Variants in FBXL17 observed in about 807,000 individuals in gnomAD.
The protein encoded by FBXL17 is F-box/LRR-repeat protein 17.
A neutral mutation model predicts 66.2 loss-of-function variants in FBXL17; 22 were observed. The observed-to-expected ratio is 0.33, with a 90% CI of 0.24 to 0.47. The LOEUF (loss-of-function observed/expected upper bound fraction) is 0.47. Among genes scored for constraint, FBXL17 ranks in the 20% least tolerant of loss-of-function variants. The pLI is 1.00. For synonymous variants in FBXL17, 474 were observed against 400.5 expected, an observed-to-expected ratio of 1.18 and a Z score of -2.19; for missense variants, 878 against 948.2, an observed-to-expected ratio of 0.93 and a Z score of 0.97.
intron 6 of FBXL17, among the ~76,000 whole-genome samples, chr5:108,086,285 G>C (rs756673706): frequency 6.6e-6 from 1 of 152,132 alleles, no homozygotes; most frequent in Non-Finnish European, 1.5e-5. Flanking sequence ...GGAAAAAATG[G>C]TACACAAAGA....
intron 7 of FBXL17, among the ~76,000 whole-genome samples, chr5:107,941,318 T>C (rs575241823): frequency 1.3e-5 from 2 of 152,304 alleles, no homozygotes; most frequent in South Asian, 4.1e-4. Context: ...TATCATTGCA[T>C]CTTGGGCAAC....
Position 108,380,680 on chromosome 5 carries a change from G to A in FBXL17, c.993+19C>T. 1 of 1,247,012 alleles carries A rather than the reference G, an allele frequency of 8.0e-7. No individual in the cohort carries two copies. Among genetic ancestry groups the A allele is most frequent in the Non-Finnish European group, 1.0e-6 (1 of 987,082 alleles). 77.2% of individuals were successfully genotyped at this position (1,247,012 alleles called of 1,614,324 possible). A position where few individuals can be genotyped will look rare whatever the true frequency, so the allele number is the denominator to read the frequency against. On this transcript the variant is annotated intron_variant, in intron 1 of 8. Transcript: ENST00000542267. ...GGTGGGGGAAAGCGAGCATCCCTGC[G>A]CCTCTCGCCCAGACCCACCTTGAGC...
rs1468663746 is a variant in FBXL17, at chr5:108,367,953, T to C, written c.994A>G (p.Ile332Val). ...TCATCCAGTGACAAATTGGAAAATA[T>C]CTGTGAATAAAAAACGGTACCATAT... ...NQLPPSILLK[I>V]FSNLSLDERC... The change falls in exon 2 of 9, where the codon ATA (isoleucine) becomes GTA (valine). Residue 332 changes from isoleucine to valine, a missense_variant and splice_region_variant. Transcript: ENST00000542267. The C allele has an allele frequency of 1.3e-6, 2 of 1,550,100 alleles. No individual in the cohort carries two copies.
chr5:108,033,161 A>C (rs1316548268), intron 6 of FBXL17, among the ~76,000 whole-genome samples: 1 of 152,158 alleles, frequency 6.6e-6, no homozygotes, highest in Non-Finnish European at 1.5e-5. Flanking sequence ...TAGATTCTAT[A>C]ATTAACATTT....
intron 2 of FBXL17, among the ~76,000 whole-genome samples, chr5:108,366,640 A>C (rs977286272): frequency 1.3e-5 from 2 of 152,194 alleles, no homozygotes; most frequent in Middle Eastern, 3.4e-3. Flanking sequence ...AACATTCAAG[A>C]GTAATGATGT....
chr5:108,055,156 AAAT>A (rs1747637917), intron 6 of FBXL17, among the ~76,000 whole-genome samples: 1 of 151,940 alleles, frequency 6.6e-6, no homozygotes, highest in East Asian at 1.9e-4. Context: ...CTTGTTTTTT[AAAT>A]AATAAAATAA....
At chr5:108,020,867 C>T in intron 7 of FBXL17, 58 bp downstream of exon 7, 2 of 1,235,884 alleles carry the variant, frequency 1.6e-6, no homozygotes, top group Non-Finnish European at 2.4e-6. Flanking sequence ...TAAGAACTTT[C>T]AATGATTTTG....
At chr5:107,909,080 C>A (rs541693158) in intron 7 of FBXL17, among the ~76,000 whole-genome samples, 3 of 152,248 alleles carry the variant, frequency 2.0e-5, no homozygotes, top group Admixed American at 6.5e-5. Flanking sequence ...ATGTTTAGAG[C>A]AACCTATATT....
intron 2 of FBXL17, among the ~76,000 whole-genome samples, chr5:108,365,938 C>T (rs1013646438): frequency 6.6e-6 from 1 of 152,078 alleles, no homozygotes; most frequent in Non-Finnish European, 1.5e-5. Flanking sequence ...TCAGCAAAAA[C>T]TCACCACAAA....
chr5:108,220,307 G>A (rs1008072107), intron 5 of FBXL17, among the ~76,000 whole-genome samples: 16 of 151,968 alleles, frequency 1.1e-4, no homozygotes, highest in East Asian at 3.9e-4. Flanking sequence ...GTTCTGTTTT[G>A]TCAACTCAGA....
chr5:108,013,842 C>T (rs772116999), intron 7 of FBXL17, among the ~76,000 whole-genome samples: 11 of 152,032 alleles, frequency 7.2e-5, no homozygotes, highest in Non-Finnish European at 1.3e-4. Context: ...GAATAGTTCT[C>T]GTAATAGAGA....
chr5:108,337,390 T>A (rs1760438372), intron 4 of FBXL17, among the ~76,000 whole-genome samples: 1 of 152,198 alleles, frequency 6.6e-6, no homozygotes. Flanking sequence ...TTTAAGAAGT[T>A]CTAACAACTA....
chr5:108,148,190 CA>C (rs1324393536), intron 6 of FBXL17, among the ~76,000 whole-genome samples: 11 of 152,030 alleles, frequency 7.2e-5, no homozygotes. Flanking sequence ...CAAAAGAGTA[CA>C]TATTGATTAC....
intron 4 of FBXL17, among the ~76,000 whole-genome samples, chr5:108,283,296 C>A (rs1757771215): frequency 1.3e-5 from 2 of 151,698 alleles, no homozygotes; most frequent in South Asian, 4.2e-4. Flanking sequence ...ATCACGTAAG[C>A]TGATAACAAA....
Position 107,861,724 on chromosome 5 carries a change from G to A in FBXL17, c.2102C>T (p.Ser701Phe). Residue 701 changes from serine to phenylalanine, a missense_variant, in exon 9 of 9, where the codon TCC (serine) becomes TTC (phenylalanine). Coordinates refer to ENST00000542267, the MANE Select transcript of FBXL17 (RefSeq NM_001163315.3). ...GGACTAGGCGAGGCAGGAGCGCTAG[G>A]AGGAGGCGGCAGACATGTTGGGGGT... ...GWTPNMSAASS is the reference protein window; with the variant it reads ...GWTPNMSAASF The A allele has an allele frequency of 6.3e-7, 1 of 1,575,010 alleles. No individual in the cohort carries two copies. The highest frequency in any genetic ancestry group is 1.4e-5 in the African/African-American group (1 of 73,740).
intron 6 of FBXL17, among the ~76,000 whole-genome samples, chr5:108,052,106 T>C (rs1747499305): frequency 9.9e-6 from 1 of 100,552 alleles, no homozygotes; most frequent in African/African-American, 4.1e-5. Context: ...GAGTGAGACT[T>C]CGTCTCAAAA....
intron 6 of FBXL17, among the ~76,000 whole-genome samples, chr5:108,127,745 T>A (rs1006889737): frequency 2.0e-5 from 3 of 152,148 alleles, no homozygotes; most frequent in Non-Finnish European, 4.4e-5. Context: ...AAAAGAAAAC[T>A]TCCCAAATGC....
chr5:107,907,723 T>C (rs1361895237), intron 7 of FBXL17, among the ~76,000 whole-genome samples: 1 of 152,094 alleles, frequency 6.6e-6, no homozygotes, highest in African/African-American at 2.4e-5. Flanking sequence ...ATCAGAGAAA[T>C]GCAAATCAAA....
intron 7 of FBXL17, among the ~76,000 whole-genome samples, chr5:107,993,305 T>C (rs969638013): frequency 6.6e-6 from 1 of 152,214 alleles, no homozygotes; most frequent in Non-Finnish European, 1.5e-5. Context: ...AAGACTCTCA[T>C]ACTGTTATGG....
Sources: gnomAD v4.1 joint callset for allele counts (sites outside exome capture counted in the v4.1 genomes callset) on GRCh38, gnomAD v4.1.1 for gene constraint, MANE v1.5 for transcripts, NCBI Gene and HGNC (gene_info 2026-07-23, HGNC 2026-07-21) for gene names.